The following LMX1B variants were observed in gnomAD, a reference collection of about 807,000 sequenced individuals.
LMX1B encodes the protein LIM homeobox transcription factor 1 beta.
LMX1B carries 12 observed loss-of-function variants against 51.4 expected under a neutral mutation model. The observed-to-expected ratio is 0.23, with a 90% CI of 0.15 to 0.38. The LOEUF is 0.38. LMX1B is among the 10% of genes least tolerant of loss of function. The probability of loss-of-function intolerance (pLI) is 1.00; values close to 1 mark genes in which losing one functional copy is unlikely to be tolerated. For missense variants in LMX1B, 445 were observed against 571.1 expected (o/e 0.78, Z 2.25); for synonymous variants, 237 against 235.4 (o/e 1.01, Z -0.06).
At chr9:126,690,690 G>A (rs1051954509) in intron 2 of LMX1B, 146 bp from the exon 3 acceptor site, 2 of 688,746 alleles carry the variant, frequency 2.9e-6, no homozygotes, top group African/African-American at 1.8e-5. Context: ...GGGCCCTTCT[G>A]CTGTCTGACC....
chr9:126,640,388 C>T (rs551230727), intron 2 of LMX1B, among the ~76,000 whole-genome samples: 1 of 152,334 alleles, frequency 6.6e-6, no homozygotes, highest in East Asian at 1.9e-4. Flanking sequence ...CCAGTCTGGG[C>T]AGCTGCAGAG....
intron 2 of LMX1B, among the ~76,000 whole-genome samples, chr9:126,674,178 C>T (rs1389150636): frequency 6.6e-6 from 1 of 152,124 alleles, no homozygotes; most frequent in Non-Finnish European, 1.5e-5. Context: ...CTCCCCGCAC[C>T]AGGGAGCCAA....
intron 2 of LMX1B, among the ~76,000 whole-genome samples, chr9:126,657,367 A>G (rs1743296361): frequency 6.6e-6 from 1 of 152,246 alleles, no homozygotes; most frequent in South Asian, 2.1e-4. Flanking sequence ...CACAAAATGC[A>G]TGAAATAGGC....
chr9:126,630,161 CAA>C (rs386416246), intron 2 of LMX1B, among the ~76,000 whole-genome samples: 4 of 83,814 alleles, frequency 4.8e-5, no homozygotes, highest in Middle Eastern at 6.4e-3. Context: ...GACTCCGTCT[CAA>C]AAAAAAAAAA....
In LMX1B at chr9:126,696,385, G is replaced by T; in HGVS notation, c.1143G>T (p.Leu381=). The T allele has an allele frequency of 6.2e-7, 1 of 1,614,106 alleles. No individual in the cohort carries two copies. Among genetic ancestry groups the T allele is most frequent in the Non-Finnish European group, 8.5e-7 (1 of 1,179,972 alleles). ...TCGGCTCCTCAGACGTGGGCTCCCTGCAGGCCCGCGTGGGGAACCCCATCG... is the reference window on the plus strand; with the variant it reads ...TCGGCTCCTCAGACGTGGGCTCCCTTCAGGCCCGCGTGGGGAACCCCATCG... ...CFLGSSDVGS[L]QARVGNPIDR... The change falls in exon 8 of 8, where the codon CTG becomes CTT. Residue 381 remains leucine, a synonymous_variant. Coordinates refer to ENST00000373474, the MANE Select transcript of LMX1B (RefSeq NM_001174147.2).
intron 2 of LMX1B, among the ~76,000 whole-genome samples, chr9:126,662,901 G>A (rs932967508): frequency 6.6e-5 from 10 of 152,216 alleles, no homozygotes; most frequent in Admixed American, 4.6e-4. Flanking sequence ...AGACAGAGGA[G>A]ACTGGGGCAG....
Position 126,700,585 on chromosome 9 carries a change from GCACA to G in LMX1B, c.*4142_*4145del, listed in dbSNP as rs770023374. On this transcript the variant is annotated 3_prime_UTR_variant, in exon 8 of 8. Coordinates refer to ENST00000373474, the MANE Select transcript of LMX1B (RefSeq NM_001174147.2). ...GCTCCACGCTCACACGCACGCGCTC[GCACA>G]CACACACTCACACCTGGACGCACAC... The G allele has an allele frequency of 6.6e-6, 1 of 152,486 alleles. No individual in the cohort carries two copies. Among genetic ancestry groups the G allele is most frequent in the African/African-American group, 2.4e-5 (1 of 41,434 alleles). 9.4% of individuals were successfully genotyped at this position (152,486 alleles called of 1,614,324 possible).
chr9:126,646,725 A>G (rs1835910199), intron 2 of LMX1B, among the ~76,000 whole-genome samples: 1 of 152,184 alleles, frequency 6.6e-6, no homozygotes, highest in Non-Finnish European at 1.5e-5. Flanking sequence ...TGGTCCAATC[A>G]GCAAATCTTT....
intron 2 of LMX1B, among the ~76,000 whole-genome samples, chr9:126,663,580 C>T (rs1375007325): frequency 6.6e-6 from 1 of 152,184 alleles, no homozygotes; most frequent in Admixed American, 6.5e-5. Flanking sequence ...TAATAGTAAC[C>T]CTTGTCTCTA....
chr9:126,676,431 G>A (rs1215212920), intron 2 of LMX1B, among the ~76,000 whole-genome samples: 1 of 152,188 alleles, frequency 6.6e-6, no homozygotes, highest in Non-Finnish European at 1.5e-5. Flanking sequence ...AATAAGCACC[G>A]CATCAGTATT....
intron 2 of LMX1B, among the ~76,000 whole-genome samples, chr9:126,624,953 G>T (rs1009400630): frequency 2.6e-5 from 4 of 152,104 alleles, no homozygotes; most frequent in Non-Finnish European, 5.9e-5. Context: ...GGATTTCGCC[G>T]GTTTTATCTT....
chr9:126,616,433 C>T (rs778653265), intron 2 of LMX1B, among the ~76,000 whole-genome samples: 1 of 152,202 alleles, frequency 6.6e-6, no homozygotes. Flanking sequence ...ACAGGACATG[C>T]AGGCTTTTTC....
intron 2 of LMX1B, among the ~76,000 whole-genome samples, chr9:126,672,965 C>T (rs1836487872): frequency 6.6e-6 from 1 of 152,222 alleles, no homozygotes; most frequent in South Asian, 2.1e-4. Context: ...CGGTGCGCCT[C>T]TCGCCGCCCA....
rs10987412 is a variant in LMX1B at position 126,695,368 on chromosome 9, C to T, written c.887-471C>T. On this transcript the variant is annotated intron_variant, in intron 6 of 7. Coordinates refer to ENST00000373474, the MANE Select transcript of LMX1B (RefSeq NM_001174147.2). The surrounding 1 kb of genome is among the most constrained non-coding windows in gnomAD (Gnocchi z 5.2). The stretch of plus-strand genomic sequence containing the variant: ...CCCACGTGCTGCACCCTCACTTACC[C>T]GGCGGTCTGTCTCCTCCATGCCTTT... Among the ~76,000 whole-genome samples, 36,329 of 152,132 alleles carry T rather than the reference C, an allele frequency of 0.24. 5,250 individuals are homozygous for T. Among genetic ancestry groups the T allele is most frequent in the Middle Eastern group, 0.38 (113 of 294 alleles).
chr9:126,624,974 T>C (rs1004724960), intron 2 of LMX1B, among the ~76,000 whole-genome samples: 2 of 152,184 alleles, frequency 1.3e-5, no homozygotes, highest in Non-Finnish European at 2.9e-5. Flanking sequence ...CTAATAAGAT[T>C]ATGTCACGAA....
Position 126,654,460 on chromosome 9 carries a change from T to C in LMX1B, c.327-36376T>C, listed in dbSNP as rs1030898999. 2.0e-5 allele frequency among the ~76,000 whole-genome samples: 3 copies of C among 152,200 alleles called. No homozygotes were observed. In the South Asian group the frequency reaches 6.2e-4, roughly 32 times the overall value. On this transcript the variant is annotated intron_variant, in intron 2 of 7. Coordinates refer to ENST00000373474, the MANE Select transcript of LMX1B (RefSeq NM_001174147.2). Reference sequence around the variant, plus strand: ...ATGAGGTGGGGAACGGGCACCTGAATCTAGTTTGTGTGAATGATGAACAGG... The same window carrying C: ...ATGAGGTGGGGAACGGGCACCTGAACCTAGTTTGTGTGAATGATGAACAGG...
intron 2 of LMX1B, among the ~76,000 whole-genome samples, chr9:126,679,616 AAG>A (rs1251111682): frequency 6.6e-6 from 1 of 151,926 alleles, no homozygotes; most frequent in African/African-American, 2.4e-5. Flanking sequence ...TTATGAGAAA[AAG>A]AGAGGTACGA....
chr9:126,689,755 G>A (rs757644425), intron 2 of LMX1B, among the ~76,000 whole-genome samples: 1 of 152,192 alleles, frequency 6.6e-6, no homozygotes, highest in Non-Finnish European at 1.5e-5. Context: ...ACGTTGTCAT[G>A]TGGAAGCTGG....
At chr9:126,691,920 C>T (rs1014968299) in intron 3 of LMX1B, among the ~76,000 whole-genome samples, 8 of 152,228 alleles carry the variant, frequency 5.3e-5, no homozygotes, top group African/African-American at 1.9e-4. Context: ...TTGAAGGCCT[C>T]CTGGCAGACA....
Sources: gnomAD v4.1 joint callset for allele counts (sites outside exome capture counted in the v4.1 genomes callset) on GRCh38, gnomAD v4.1.1 for gene constraint, Gnocchi (gnomAD v3.1) non-coding constraint, MANE v1.5 for transcripts, NCBI Gene and HGNC (gene_info 2026-07-23, HGNC 2026-07-21) for gene names.